PTPRT: variants seen among roughly 807,000 people sequenced by gnomAD.
The protein encoded by PTPRT is protein tyrosine phosphatase receptor type T.
In PTPRT, 56 loss-of-function variants were observed where a neutral mutation model predicts 176.8. That is an observed-to-expected ratio of 0.32 (90% CI 0.26 to 0.40). The LOEUF is 0.40. PTPRT is among the 10% of genes least tolerant of loss of function. The pLI, the probability that PTPRT is intolerant of heterozygous loss-of-function variation, is 1.00. For missense variants in PTPRT, 1,540 were observed against 1,908.2 expected, an observed-to-expected ratio of 0.81 and a Z score of 3.60; for synonymous variants, 783 against 739.0, an observed-to-expected ratio of 1.06 and a Z score of -0.96.
At chr20:42,978,547 T>C (rs1983091826) in intron 1 of PTPRT, among the ~76,000 whole-genome samples, 1 of 152,204 alleles carries the variant, frequency 6.6e-6, no homozygotes, top group East Asian at 1.9e-4. Context: ...CAACTCCATC[T>C]TGAGCAGTGG....
Position 42,327,359 on chromosome 20 carries a change from C to T in PTPRT, c.1866-11363G>A, listed in dbSNP as rs186851058. Among the ~76,000 whole-genome samples, 16 of 151,924 alleles carry T rather than the reference C, an allele frequency of 1.1e-4. No homozygotes were observed. In the East Asian group the frequency reaches 2.1e-3, roughly 20 times the overall value. ...TACAATGTGTGATCCTTGATTGGATCCTGGATTGAATTTTAAAAAGCTTTA... is the reference window on the plus strand; with the variant it reads ...TACAATGTGTGATCCTTGATTGGATTCTGGATTGAATTTTAAAAAGCTTTA... On this transcript the variant is annotated intron_variant, in intron 11 of 30. Transcript: ENST00000373187.
In PTPRT at chr20:42,315,988, T is replaced by A; in HGVS notation, c.1874A>T (p.Gln625Leu). Residue 625 changes from glutamine to leucine, a missense_variant, in exon 12 of 31, where the codon CAG (glutamine) becomes CTG (leucine). Physicochemically the swap from Gln to Leu is moderately radical, Grantham distance 113. Transcript: ENST00000373187. ...QSRGAPVSVY[Q>L]LVVKEERLQK... ...AAGTCGCTCCTCCTTGACAACCAGCTGATAAACACTGGACAGGAAAGAGGA... is the reference window on the plus strand; with the variant it reads ...AAGTCGCTCCTCCTTGACAACCAGCAGATAAACACTGGACAGGAAAGAGGA... 1 of 1,613,956 alleles carries A rather than the reference T, an allele frequency of 6.2e-7. No homozygotes were observed. Among genetic ancestry groups the A allele is most frequent in the Non-Finnish European group, 8.5e-7 (1 of 1,179,912 alleles).
chr20:42,562,989 T>G (rs970818988), intron 7 of PTPRT, among the ~76,000 whole-genome samples: 2 of 152,192 alleles, frequency 1.3e-5, no homozygotes, highest in Non-Finnish European at 2.9e-5. Context: ...TGAAGTATCT[T>G]TTCATATTCT....
the PTPRT span, among the ~76,000 whole-genome samples, chr20:42,065,563 T>A: frequency 6.6e-6 from 1 of 152,184 alleles, no homozygotes; most frequent in Non-Finnish European, 1.5e-5. Context: ...GCTGAGGGAA[T>A]CTCCCCCATC....
intron 16 of PTPRT, among the ~76,000 whole-genome samples, chr20:42,170,691 T>G (rs1357653777): frequency 1.3e-5 from 2 of 152,210 alleles, no homozygotes; most frequent in Non-Finnish European, 2.9e-5. Context: ...CTCATGTGTG[T>G]TCATGTGTGA....
chr20:42,337,935 C>G (rs2058062940), intron 11 of PTPRT, among the ~76,000 whole-genome samples: 1 of 152,126 alleles, frequency 6.6e-6, no homozygotes, highest in African/African-American at 2.4e-5. Context: ...CCAGCTCCAC[C>G]TCCTTCCTAA....
At position 42,199,339 on chromosome 20, in the gene PTPRT, T is replaced by C. The variant is rs1319214503; in HGVS notation, c.2392A>G (p.Met798Val). 3.1e-6 allele frequency: 5 copies of C among 1,614,040 alleles called. No individual in the cohort carries two copies. The highest frequency in any genetic ancestry group is 8.5e-7 in the Non-Finnish European group (1 of 1,180,020). The change falls in exon 16 of 31, where the codon ATG (methionine) becomes GTG (valine). Residue 798 changes from methionine to valine, a missense_variant. Met to Val is a conservative substitution (Grantham distance 21). Transcript: ENST00000373187. ...KETQSGAQRE[M>V]GPVASADKPT... is the part of the protein sequence containing the mutation. ...TTGTCGGCAGAGGCCACAGGCCCCATCTCCCTCTGGGCTCCACTCTGGGTC... is the reference window on the plus strand; with the variant it reads ...TTGTCGGCAGAGGCCACAGGCCCCACCTCCCTCTGGGCTCCACTCTGGGTC...
At chr20:42,165,339 G>A (rs1457555868) in intron 16 of PTPRT, among the ~76,000 whole-genome samples, 1 of 152,206 alleles carries the variant, frequency 6.6e-6, no homozygotes, top group Admixed American at 6.5e-5. Flanking sequence ...CATACAGCAG[G>A]GAGGTATGTT....
At position 42,078,487 on chromosome 20, in the gene PTPRT, TA is replaced by T; in HGVS notation, c.*2391del. The T allele has an allele frequency of 4.9e-6, 1 of 205,898 alleles. No homozygotes were observed. The highest frequency in any genetic ancestry group is 1.0e-5 in the Non-Finnish European group (1 of 100,406). The allele number at this position is 205,898 out of a possible 1,614,324, so 12.8% of individuals were successfully genotyped here. ...GCAGACAGACAAATAGATGTGATAT[TA>T]AAAAGTGCACGCTTAAGGGAATGTT... is the stretch of plus-strand genomic sequence containing the variant. On this transcript the variant is annotated 3_prime_UTR_variant, in exon 31 of 31. Coordinates refer to ENST00000373187, the MANE Select transcript of PTPRT (RefSeq NM_007050.6).
At chr20:42,729,791 A>T (rs1222094735) in intron 6 of PTPRT, among the ~76,000 whole-genome samples, 2 of 152,136 alleles carry the variant, frequency 1.3e-5, no homozygotes, top group Non-Finnish European at 2.9e-5. Flanking sequence ...ATGAAATCAT[A>T]GATAACCTGA....
At chr20:42,243,174 T>C (rs949799967) in intron 14 of PTPRT, among the ~76,000 whole-genome samples, 1 of 151,788 alleles carries the variant, frequency 6.6e-6, no homozygotes. Context: ...TCCCATCTGT[T>C]TGTTGATGGG....
intron 9 of PTPRT, among the ~76,000 whole-genome samples, chr20:42,386,177 T>C (rs2145650648): frequency 6.6e-6 from 1 of 152,274 alleles, no homozygotes; most frequent in South Asian, 2.1e-4. Flanking sequence ...GCACAGGATG[T>C]AAAAGGTAAG....
intron 14 of PTPRT, among the ~76,000 whole-genome samples, chr20:42,238,170 C>T (rs2056281949): frequency 6.6e-6 from 1 of 152,136 alleles, no homozygotes; most frequent in African/African-American, 2.4e-5. Context: ...GGCTCTATAA[C>T]CAGTGCATGA....
At chr20:42,296,974 T>C (rs1256150059) in intron 12 of PTPRT, among the ~76,000 whole-genome samples, 3 of 151,536 alleles carry the variant, frequency 2.0e-5, no homozygotes, top group African/African-American at 4.9e-5. Flanking sequence ...CTATGTACCC[T>C]CAAAAATACA....
At chr20:42,119,662 A>G (rs1051957385) in intron 20 of PTPRT, among the ~76,000 whole-genome samples, 1 of 152,182 alleles carries the variant, frequency 6.6e-6, no homozygotes, top group Admixed American at 6.5e-5. Flanking sequence ...TCTGTCACTC[A>G]TGGGCCTTTT....
At chr20:43,044,508 A>T (rs1233159974) in intron 1 of PTPRT, among the ~76,000 whole-genome samples, 1 of 152,200 alleles carries the variant, frequency 6.6e-6, no homozygotes, top group Non-Finnish European at 1.5e-5. Context: ...CGTACTGAAA[A>T]GGGGACTGAA....
chr20:42,507,419 G>A (rs550877755), intron 7 of PTPRT, among the ~76,000 whole-genome samples: 1 of 152,072 alleles, frequency 6.6e-6, no homozygotes, highest in Non-Finnish European at 1.5e-5. Context: ...CAAGAAGGGA[G>A]AAGCCTTCTT....
intron 2 of PTPRT, among the ~76,000 whole-genome samples, chr20:42,813,263 G>A (rs913012794): frequency 6.6e-6 from 1 of 151,940 alleles, no homozygotes; most frequent in African/African-American, 2.4e-5. Context: ...ATATCAAATT[G>A]TTCTATAGAA....
At chr20:42,195,587 G>A (rs537342848) in intron 16 of PTPRT, among the ~76,000 whole-genome samples, 3 of 147,770 alleles carry the variant, frequency 2.0e-5, no homozygotes, top group Non-Finnish European at 4.4e-5. Flanking sequence ...GCTGTAGCCT[G>A]AGGACGTCAG....
Sources: gnomAD v4.1 joint callset for allele counts (sites outside exome capture counted in the v4.1 genomes callset) on GRCh38, gnomAD v4.1.1 for gene constraint, MANE v1.5 for transcripts, NCBI Gene and HGNC (gene_info 2026-07-23, HGNC 2026-07-21) for gene names.